Variants in RBFOX3 observed in about 807,000 individuals in gnomAD.
RBFOX3 encodes the protein RNA binding protein fox-1 homolog 3.
A neutral mutation model predicts 48.7 loss-of-function variants in RBFOX3; 17 were observed. The ratio of observed to expected loss-of-function variants is 0.35; its 90% CI spans 0.24 to 0.52. The LOEUF (loss-of-function observed/expected upper bound fraction) is 0.52. Ranked by LOEUF, RBFOX3 falls within the 20% of genes least tolerant of loss-of-function variation. The pLI, the probability that RBFOX3 is intolerant of heterozygous loss-of-function variation, is 0.94. For synonymous variants in RBFOX3, 212 were observed against 209.5 expected (o/e 1.01, Z -0.10); for missense variants, 382 against 497.5 (o/e 0.77, Z 2.21).
At chr17:79,554,995 G>T (rs1007902888) in intron 1 of RBFOX3, among the ~76,000 whole-genome samples, 95,174 of 152,116 alleles carry the variant, frequency 0.63, 32,057 homozygotes, top group Non-Finnish European at 0.76. Flanking sequence ...AAACCAGCCT[G>T]AGGGGAACAA....
chr17:79,558,442 G>C (rs998258549), intron 1 of RBFOX3, among the ~76,000 whole-genome samples: 38 of 152,332 alleles, frequency 2.5e-4, no homozygotes, highest in Middle Eastern at 3.4e-3. Context: ...CAGCTGAGGG[G>C]CGGGGCTGAG....
At chr17:79,518,611 A>C (rs2085599977) in intron 1 of RBFOX3, among the ~76,000 whole-genome samples, 1 of 152,194 alleles carries the variant, frequency 6.6e-6, no homozygotes, top group African/African-American at 2.4e-5. Context: ...TTTTTCTCCC[A>C]CCACTGGAAG....
intron 1 of RBFOX3, among the ~76,000 whole-genome samples, chr17:79,516,862 G>C (rs1018934013): frequency 6.6e-6 from 1 of 152,158 alleles, no homozygotes; most frequent in African/African-American, 2.4e-5. Flanking sequence ...AAAACGTGAC[G>C]CCGAGACAAG....
At chr17:79,268,797 G>C (rs1563451) in intron 3 of RBFOX3, among the ~76,000 whole-genome samples, 114,201 of 152,072 alleles carry the variant, frequency 0.75, 44,681 homozygotes, top group East Asian at 0.92. Flanking sequence ...GCTGCCCGCT[G>C]CCTGCCACCC....
At chr17:79,610,410 G>A (rs2093945433) in intron 1 of RBFOX3, among the ~76,000 whole-genome samples, 1 of 151,812 alleles carries the variant, frequency 6.6e-6, no homozygotes, top group Admixed American at 6.5e-5. Flanking sequence ...CCCCCCGCCG[G>A]GGAGTTCCCC....
At chr17:79,452,918 C>T (rs1019847412) in intron 2 of RBFOX3, among the ~76,000 whole-genome samples, 2 of 152,202 alleles carry the variant, frequency 1.3e-5, no homozygotes, top group Non-Finnish European at 2.9e-5. Context: ...GGTGCCATCC[C>T]GCTCACGGCC....
chr17:79,650,168 C>T, the RBFOX3 span, among the ~76,000 whole-genome samples: 2 of 152,164 alleles, frequency 1.3e-5, no homozygotes, highest in Non-Finnish European at 2.9e-5. Context: ...AAGTTCCCAA[C>T]AACTGATGGT....
intron 1 of RBFOX3, among the ~76,000 whole-genome samples, chr17:79,522,232 G>C (rs1306507852): frequency 6.6e-6 from 1 of 152,174 alleles, no homozygotes; most frequent in Non-Finnish European, 1.5e-5. Context: ...TTTCTGGAAT[G>C]TTCCCTGCCA....
intron 4 of RBFOX3, among the ~76,000 whole-genome samples, chr17:79,179,022 C>A (rs572608090): frequency 6.6e-6 from 1 of 152,272 alleles, no homozygotes; most frequent in Admixed American, 6.5e-5. Context: ...CGCGAGCCAG[C>A]GTGTCTCAGA....
chr17:79,278,529 G>C (rs2069463628), intron 3 of RBFOX3, among the ~76,000 whole-genome samples: 1 of 124,874 alleles, frequency 8.0e-6, no homozygotes, highest in African/African-American at 3.1e-5. Flanking sequence ...TTGCAGTGAG[G>C]TGGGGAACCA....
chr17:79,535,039 A>C lies in RBFOX3; in HGVS notation c.-319-52441T>G, dbSNP rs1279149098. 6.6e-6 allele frequency among the ~76,000 whole-genome samples: 1 copy of C among 152,178 alleles called. No homozygotes were observed. Among genetic ancestry groups the C allele is most frequent in the Non-Finnish European group, 1.5e-5 (1 of 68,024 alleles). ...GGATGCTTTCAGCTGCACCCAACAG[A>C]AACCTGACCCAAACTGGCTGAAGCC... is the stretch of plus-strand genomic sequence containing the variant. On this transcript the variant is annotated intron_variant, in intron 1 of 14. Coordinates refer to ENST00000693108, the MANE Select transcript of RBFOX3 (RefSeq NM_001350451.2). The surrounding 1 kb of genome is among the most constrained non-coding windows in gnomAD (Gnocchi z 4.5).
At chr17:79,638,057 A>C in the RBFOX3 span, among the ~76,000 whole-genome samples, 5 of 152,154 alleles carry the variant, frequency 3.3e-5, no homozygotes, top group Non-Finnish European at 5.9e-5. Flanking sequence ...ACAAAAACAC[A>C]ATACACCAAA....
intron 1 of RBFOX3, among the ~76,000 whole-genome samples, chr17:79,574,058 C>G (rs1185569144): frequency 6.6e-6 from 1 of 152,190 alleles, no homozygotes; most frequent in Non-Finnish European, 1.5e-5. Flanking sequence ...GGGAGCAGGT[C>G]AGCAAGGAAG....
intron 4 of RBFOX3, among the ~76,000 whole-genome samples, chr17:79,200,933 G>A (rs2146820378): frequency 1.3e-5 from 2 of 152,040 alleles, no homozygotes; most frequent in Non-Finnish European, 2.9e-5. Context: ...AGCTGGGCCT[G>A]GCCAGTCCCA....
intron 4 of RBFOX3, chr17:79,234,048 C>A (rs145514784): frequency 1.3e-5 from 2 of 152,284 alleles, no homozygotes; most frequent in African/African-American, 4.8e-5. Flanking sequence ...TGAACACTTG[C>A]GGGCGCCTGT....
chr17:79,187,433 G>A (rs2053636848), intron 4 of RBFOX3, among the ~76,000 whole-genome samples: 1 of 152,208 alleles, frequency 6.6e-6, no homozygotes, highest in Non-Finnish European at 1.5e-5. Context: ...AGCTGTGCTT[G>A]GCCGCGCCAA....
At chr17:79,109,840 GA>G (rs1217706960) in intron 5 of RBFOX3, among the ~76,000 whole-genome samples, 4 of 152,212 alleles carry the variant, frequency 2.6e-5, no homozygotes, top group Admixed American at 6.5e-5. Context: ...TCCTAAAGGG[GA>G]GCAGCCGAGG....
chr17:79,133,654 C>T (rs986979860), intron 4 of RBFOX3, among the ~76,000 whole-genome samples: 1 of 152,192 alleles, frequency 6.6e-6, no homozygotes, highest in South Asian at 2.1e-4. Context: ...TGCTGAGATG[C>T]TGCTGTGAAT....
At position 79,195,620 on chromosome 17, in the gene RBFOX3, G is replaced by T. The variant is rs1296355101; in HGVS notation, c.-34+40146C>A. On this transcript the variant is annotated intron_variant, in intron 4 of 14. Coordinates refer to ENST00000693108, the MANE Select transcript of RBFOX3 (RefSeq NM_001350451.2). This position sits in a 1 kb window ranked among gnomAD's most constrained non-coding sequence, Gnocchi z 5.3. ...TCTGAGACTGGGGCCTCCTTATTTT[G>T]TCCTACCATTGCAGCTGTGCAGGCA... Among the ~76,000 whole-genome samples the T allele has an allele frequency of 6.6e-6, 1 of 152,264 alleles. No individual in the cohort carries two copies. The highest frequency in any genetic ancestry group is 2.4e-5 in the African/African-American group (1 of 41,548).
Sources: allele counts gnomAD v4.1 joint callset (sites outside exome capture counted in the v4.1 genomes callset), GRCh38; gene constraint gnomAD v4.1.1; non-coding constraint Gnocchi (gnomAD v3.1); transcripts MANE v1.5; gene names NCBI Gene and HGNC (gene_info 2026-07-23, HGNC 2026-07-21).